The following NAA16 variants were observed in gnomAD, a reference collection of about 807,000 sequenced individuals.
The protein encoded by NAA16 is N-alpha-acetyltransferase 16, NatA auxiliary subunit.
Under a neutral mutation model 110.3 loss-of-function variants are expected in NAA16, and 97 were observed. The observed-to-expected ratio is 0.88, with a 90% CI of 0.75 to 1.04. The LOEUF is 1.04. NAA16 is among the 50% of genes least tolerant of loss of function. The pLI, the probability that NAA16 is intolerant of heterozygous loss-of-function variation, is 0.00. For missense variants in NAA16, 1,017 were observed against 1,005.1 expected (o/e 1.01, Z -0.16); for synonymous variants, 372 against 330.6 (o/e 1.13, Z -1.36).
chr13:41,320,335 AG>A (rs1489494094), intron 3 of NAA16, among the ~76,000 whole-genome samples: 1 of 152,202 alleles, frequency 6.6e-6, no homozygotes, highest in Non-Finnish European at 1.5e-5. Context: ...GATGGGATAG[AG>A]GGTAGAAAAT....
chr13:41,373,932 G>A (rs1215593133), intron 18 of NAA16, 152 bp downstream of exon 18: 3 of 1,229,570 alleles, frequency 2.4e-6, no homozygotes, highest in South Asian at 2.1e-5. Flanking sequence ...TCAATAATAG[G>A]GGAAACAGGG....
intron 12 of NAA16, 66 bp from the exon 13 acceptor site, chr13:41,361,965 G>C: frequency 6.4e-7 from 1 of 1,559,622 alleles, no homozygotes. Flanking sequence ...TAGTTGTAAA[G>C]AGGAAATGAT....
intron 6 of NAA16, among the ~76,000 whole-genome samples, chr13:41,326,882 CAAA>C (rs375097546): frequency 2.0e-4 from 31 of 152,256 alleles, no homozygotes; most frequent in Admixed American, 9.2e-4. Flanking sequence ...TAGTATTATA[CAAA>C]GTAGTTTCAC....
intron 8 of NAA16, among the ~76,000 whole-genome samples, chr13:41,335,651 A>T (rs2042360343): frequency 6.6e-6 from 1 of 152,210 alleles, no homozygotes; most frequent in Admixed American, 6.5e-5. Context: ...ATCTGAATAC[A>T]ATCTTTATAG....
chr13:41,336,636 G>T lies in NAA16; in HGVS notation c.908-14G>T, dbSNP rs140028691. On this transcript the variant is annotated splice_polypyrimidine_tract_variant and intron_variant, in intron 8 of 19. Transcript: ENST00000379406. ...CGTGAACCAAAGAATAACAAAGTAC[G>T]CTTTTGTTTCTAGGTGAAAGATTTA... 1 of 1,423,806 alleles carries T rather than the reference G, an allele frequency of 7.0e-7. No individual in the cohort carries two copies. Among genetic ancestry groups the T allele is most frequent in the African/African-American group, 1.4e-5 (1 of 69,464 alleles). 88.2% of individuals were successfully genotyped at this position (1,423,806 alleles called of 1,614,324 possible). A position where few individuals can be genotyped will look rare whatever the true frequency, so the allele number is the denominator to read the frequency against.
At chr13:41,347,426 C>G (rs1485419487) in intron 9 of NAA16, among the ~76,000 whole-genome samples, 1 of 152,090 alleles carries the variant, frequency 6.6e-6, no homozygotes, top group African/African-American at 2.4e-5. Flanking sequence ...TTTGTTGAAT[C>G]TGCAGATCAT....
chr13:41,324,301 C>A lies in NAA16; in HGVS notation c.537+1111C>A, dbSNP rs117667054. ...TTGGTGGACTTGATAAAAAACTTTC[C>A]TTTGAACACAAAATTATGACATTTT... On this transcript the variant is annotated intron_variant, in intron 5 of 19. Coordinates refer to ENST00000379406, the MANE Select transcript of NAA16 (RefSeq NM_024561.5). Among the ~76,000 whole-genome samples, 6 of 148,906 alleles carry A rather than the reference C, an allele frequency of 4.0e-5. No individual in the cohort carries two copies. The East Asian group carries it at 1.2e-3, about 30-fold the overall frequency.
chr13:41,331,360 C>G lies in NAA16; in HGVS notation c.898C>G (p.Leu300Val), dbSNP rs774921686. 6.3e-7 allele frequency: 1 copy of G among 1,588,256 alleles called. No homozygotes were observed. Among genetic ancestry groups the G allele is most frequent in the Non-Finnish European group, 8.6e-7 (1 of 1,159,508 alleles). The change falls in exon 8 of 20, where the codon CTT becomes GTT. Residue 300 changes from leucine (L) to valine (V), a missense_variant. Physicochemically the swap from Leu to Val is conservative, Grantham distance 32. Transcript: ENST00000379406. The part of the protein sequence containing the change: ...AITPRRLPLT[L>V]VPGERFRELM... Reference sequence around the variant, plus strand: ...TACACCCAGAAGATTACCTTTGACTCTTGTCCCAGGTAATATTAAGATGTC... The same window carrying G: ...TACACCCAGAAGATTACCTTTGACTGTTGTCCCAGGTAATATTAAGATGTC...
At chr13:41,350,009 C>T (rs751232040) in intron 9 of NAA16, among the ~76,000 whole-genome samples, 134 of 149,546 alleles carry the variant, frequency 9.0e-4, no homozygotes, top group Non-Finnish European at 1.7e-3. Flanking sequence ...GCCAGGCCAC[C>T]GTGGTGGCTC....
chr13:41,316,006 G>A (rs2041799300), intron 1 of NAA16, among the ~76,000 whole-genome samples: 1 of 152,182 alleles, frequency 6.6e-6, no homozygotes, highest in Admixed American at 6.5e-5. Flanking sequence ...CTGGGCTCAA[G>A]CAGTCCTCTC....
intron 1 of NAA16, 113 bp from the exon 2 acceptor site, chr13:41,316,733 A>G: frequency 1.5e-6 from 1 of 667,390 alleles, no homozygotes; most frequent in South Asian, 1.7e-5. Flanking sequence ...TATCCTTTCT[A>G]TCACATTTTA....
chr13:41,347,462 T>C (rs559072699), intron 9 of NAA16, among the ~76,000 whole-genome samples: 2 of 152,256 alleles, frequency 1.3e-5, no homozygotes, highest in South Asian at 4.1e-4. Flanking sequence ...AACTTAACAA[T>C]ATTAAGTCAA....
chr13:41,340,809 C>A (rs757231527), intron 9 of NAA16, among the ~76,000 whole-genome samples: 1 of 151,556 alleles, frequency 6.6e-6, no homozygotes, highest in African/African-American at 2.4e-5. Context: ...CCAGATCAGC[C>A]GGGACTGCAG....
chr13:41,374,020 TAATA>T (rs1056951651), intron 18 of NAA16: 11 of 387,040 alleles, frequency 2.8e-5, no homozygotes, highest in African/African-American at 1.9e-4. Flanking sequence ...AATACTTTTA[TAATA>T]AATGTGCGGG....
At chr13:41,369,320 A>G in intron 15 of NAA16, 37 bp downstream of exon 15, 2 of 1,477,810 alleles carry the variant, frequency 1.4e-6, no homozygotes, top group Non-Finnish European at 1.8e-6. Context: ...ATTTGGTAAA[A>G]TTTATGCTAT....
chr13:41,330,565 G>A (rs1185033295), intron 7 of NAA16, among the ~76,000 whole-genome samples: 1 of 151,938 alleles, frequency 6.6e-6, no homozygotes, highest in Non-Finnish European at 1.5e-5. Context: ...TGTGAATTAT[G>A]CAGGATATTA....
chr13:41,362,277 T>C lies in NAA16; in HGVS notation c.1539+118T>C, dbSNP rs550757188. 2.0e-4 allele frequency: 214 copies of C among 1,074,370 alleles called. 2 individuals are homozygous for C. The African/African-American group carries it at 3.0e-3, about 15-fold the overall frequency. 66.6% of individuals were successfully genotyped at this position (1,074,370 alleles called of 1,614,324 possible). On this transcript the variant is annotated intron_variant, in intron 13 of 19. Coordinates refer to ENST00000379406, the MANE Select transcript of NAA16 (RefSeq NM_024561.5). ...TCTGGGAGCTTCATTGTGAAAAAAA[T>C]TCTTGATCTTTAACCTTTACATTCA...
At chr13:41,313,642 G>C (rs968358968) in intron 1 of NAA16, among the ~76,000 whole-genome samples, 2 of 152,138 alleles carry the variant, frequency 1.3e-5, no homozygotes, top group Admixed American at 6.6e-5. Flanking sequence ...CGTGTTCCAC[G>C]TGGCTTGTAT....
At chr13:41,358,645 T>C in intron 11 of NAA16, 165 bp from the exon 12 acceptor site, 1 of 1,436,508 alleles carries the variant, frequency 7.0e-7, no homozygotes, top group Non-Finnish European at 9.2e-7. Context: ...ATTAGATGTG[T>C]AATCATTTGA....
Sources: allele counts gnomAD v4.1 joint callset (sites outside exome capture counted in the v4.1 genomes callset), GRCh38; gene constraint gnomAD v4.1.1; transcripts MANE v1.5; gene names NCBI Gene and HGNC (gene_info 2026-07-23, HGNC 2026-07-21).